Variants in DLGAP2 observed in about 807,000 individuals in gnomAD.
DLGAP2 encodes the protein disks large-associated protein 2.
In DLGAP2, 26 loss-of-function variants were observed where a neutral mutation model predicts 100.3. The ratio of observed to expected loss-of-function variants is 0.26; its 90% CI spans 0.19 to 0.36. The LOEUF is 0.36. DLGAP2 is among the 10% of genes least tolerant of loss of function. DLGAP2 has a pLI of 1.00. For synonymous variants in DLGAP2, 886 were observed against 630.1 expected, an observed-to-expected ratio of 1.41 and a Z score of -6.08; for missense variants, 1,858 against 1,453.2, an observed-to-expected ratio of 1.28 and a Z score of -4.53.
chr8:1,629,095 C>T (rs1344538804), intron 7 of DLGAP2, among the ~76,000 whole-genome samples: 1 of 152,194 alleles, frequency 6.6e-6, no homozygotes, highest in African/African-American at 2.4e-5. Context: ...GCCTGGGGCT[C>T]AGTAAGCACA....
At chr8:758,291 A>T (rs1820971659) in intron 1 of DLGAP2, among the ~76,000 whole-genome samples, 1 of 152,184 alleles carries the variant, frequency 6.6e-6, no homozygotes, top group South Asian at 2.1e-4. Flanking sequence ...GTACTTTCTG[A>T]ATAAACCTTG....
intron 1 of DLGAP2, among the ~76,000 whole-genome samples, chr8:840,602 G>C (rs1249949789): frequency 1.2e-5 from 1 of 86,332 alleles, no homozygotes; most frequent in Non-Finnish European, 2.7e-5. Flanking sequence ...CCACACTCTG[G>C]ATTCTGCGAG....
intron 2 of DLGAP2, among the ~76,000 whole-genome samples, chr8:1,173,370 G>T (rs1334612678): frequency 6.6e-6 from 1 of 152,196 alleles, no homozygotes; most frequent in Non-Finnish European, 1.5e-5. Context: ...CCCGTTCTCA[G>T]ATCTCCAGCT....
chr8:1,188,695 C>T (rs1042608812), intron 2 of DLGAP2, among the ~76,000 whole-genome samples: 1 of 152,138 alleles, frequency 6.6e-6, no homozygotes, highest in Admixed American at 6.6e-5. Context: ...GATGTTGCTT[C>T]TCTTTTTGGC....
At chr8:1,240,959 T>TG in intron 2 of DLGAP2, among the ~76,000 whole-genome samples, 1 of 10,242 alleles carries the variant, frequency 9.8e-5, no homozygotes, top group Admixed American at 7.4e-4. Flanking sequence ...TCTAGTTCTC[T>TG]TACATGGCGC....
At chr8:743,118 A>G (rs1369082023) in intron 1 of DLGAP2, among the ~76,000 whole-genome samples, 1 of 152,202 alleles carries the variant, frequency 6.6e-6, no homozygotes, top group Non-Finnish European at 1.5e-5. Flanking sequence ...GCCACTTTCC[A>G]AAAAGTTTTG....
intron 8 of DLGAP2, among the ~76,000 whole-genome samples, chr8:1,645,516 T>C (rs1032237896): frequency 6.6e-6 from 1 of 152,190 alleles, no homozygotes; most frequent in African/African-American, 2.4e-5. Flanking sequence ...CATAATCCCA[T>C]TGCAAGTTGA....
chr8:947,695 G>C (rs1270238130), intron 2 of DLGAP2, among the ~76,000 whole-genome samples: 1 of 152,194 alleles, frequency 6.6e-6, no homozygotes. Context: ...CCTGCCCACG[G>C]CTCCGGGAAG....
intron 2 of DLGAP2, among the ~76,000 whole-genome samples, chr8:1,078,681 T>G (rs1383968286): frequency 2.6e-5 from 4 of 152,266 alleles, no homozygotes; most frequent in African/African-American, 9.6e-5. Context: ...TCAGATGGGC[T>G]TTTTTCACTT....
chr8:1,435,716 C>T (rs374949693), intron 3 of DLGAP2, among the ~76,000 whole-genome samples: 3 of 151,834 alleles, frequency 2.0e-5, no homozygotes, highest in Admixed American at 6.6e-5. Flanking sequence ...GCACTGTGGT[C>T]GTAGGCGATG....
At chr8:1,156,745 T>C (rs1015767528) in intron 2 of DLGAP2, among the ~76,000 whole-genome samples, 6 of 151,612 alleles carry the variant, frequency 4.0e-5, no homozygotes, top group African/African-American at 1.5e-4. Context: ...AGCACCCCCG[T>C]TTGGTGCCCC....
intron 3 of DLGAP2, among the ~76,000 whole-genome samples, chr8:1,360,544 G>A (rs537454966): frequency 6.5e-4 from 99 of 152,212 alleles, no homozygotes; most frequent in East Asian, 4.8e-3. Flanking sequence ...ACGGGACCAC[G>A]GCTGTGCCAT....
At chr8:1,533,506 C>CA (rs397963380) in intron 4 of DLGAP2, among the ~76,000 whole-genome samples, 5,310 of 138,962 alleles carry the variant, frequency 0.038, 316 homozygotes, top group African/African-American at 0.13. Flanking sequence ...ACTCTGTCTC[C>CA]AAAAAAAAAA....
intron 2 of DLGAP2, among the ~76,000 whole-genome samples, chr8:1,249,994 C>T (rs1322425070): frequency 6.6e-6 from 1 of 152,136 alleles, no homozygotes; most frequent in African/African-American, 2.4e-5. Flanking sequence ...GATTGTTCTG[C>T]CTCAGCCTCC....
chr8:1,104,849 A>T (rs796356982), intron 2 of DLGAP2: 15 of 152,356 alleles, frequency 9.8e-5, no homozygotes, highest in African/African-American at 3.4e-4. Context: ...CTCACCAGAG[A>T]GCAGGAAGTG....
At chr8:1,660,286 G>C (rs951005289) in intron 8 of DLGAP2, among the ~76,000 whole-genome samples, 37 of 152,176 alleles carry the variant, frequency 2.4e-4, no homozygotes, top group African/African-American at 8.9e-4. Context: ...TTTCATTAAA[G>C]GAAAATTCTA....
At chr8:866,354 C>T (rs112773863) in intron 1 of DLGAP2, among the ~76,000 whole-genome samples, 2 of 152,204 alleles carry the variant, frequency 1.3e-5, no homozygotes, top group African/African-American at 4.8e-5. Context: ...TGTTGGAAGT[C>T]AGTGCCAGGC....
chr8:906,044 G>A (rs887681639), intron 1 of DLGAP2, among the ~76,000 whole-genome samples: 3 of 152,208 alleles, frequency 2.0e-5, no homozygotes, highest in African/African-American at 7.2e-5. Context: ...GCTAACCGTC[G>A]GTGCTGGGGA....
intron 1 of DLGAP2, among the ~76,000 whole-genome samples, chr8:868,445 C>T (rs1036981763): frequency 1.3e-5 from 2 of 152,230 alleles, no homozygotes; most frequent in African/African-American, 4.8e-5. Flanking sequence ...ACAGAAACAT[C>T]TCGCTGTGAG....
Sources: gnomAD v4.1 joint callset for allele counts (sites outside exome capture counted in the v4.1 genomes callset) on GRCh38, gnomAD v4.1.1 for gene constraint, MANE v1.5 for transcripts, NCBI Gene and HGNC (gene_info 2026-07-23, HGNC 2026-07-21) for gene names.